Variants in CADM2 observed in about 807,000 individuals in gnomAD.
The protein encoded by CADM2 is cell adhesion molecule 2, also known as immunoglobulin superfamily member 4D.
CADM2 carries 12 observed loss-of-function variants against 49.8 expected under a neutral mutation model. The observed-to-expected ratio is 0.24, with a 90% CI of 0.15 to 0.39. CADM2 has a LOEUF of 0.39. Among genes scored for constraint, CADM2 ranks in the 10% least tolerant of loss-of-function variants. CADM2 has a pLI of 1.00. For missense variants in CADM2, 378 were observed against 492.3 expected, an observed-to-expected ratio of 0.77 and a Z score of 2.20; for synonymous variants, 214 against 175.4, an observed-to-expected ratio of 1.22 and a Z score of -1.74.
intron 2 of CADM2, among the ~76,000 whole-genome samples, chr3:85,752,627 A>G (rs1230983423): frequency 1.3e-5 from 2 of 152,114 alleles, no homozygotes; most frequent in African/African-American, 2.4e-5. Flanking sequence ...TTATCTGAAA[A>G]CAAAAATAGC....
chr3:85,733,374 T>G (rs896720762), intron 2 of CADM2, among the ~76,000 whole-genome samples: 3 of 152,180 alleles, frequency 2.0e-5, no homozygotes, highest in African/African-American at 7.2e-5. Context: ...TGCAGCTTCA[T>G]TCGATGTGGT....
At chr3:85,260,286 G>C (rs1419681229) in intron 1 of CADM2, among the ~76,000 whole-genome samples, 1 of 151,826 alleles carries the variant, frequency 6.6e-6, no homozygotes, top group Non-Finnish European at 1.5e-5. Flanking sequence ...TAATTATTTT[G>C]ATTATTGACA....
chr3:85,512,035 A>G (rs1056842174), intron 1 of CADM2: 4 of 201,932 alleles, frequency 2.0e-5, no homozygotes, highest in South Asian at 1.7e-4. Flanking sequence ...TTCACAGGGT[A>G]CATGTACAGG....
intron 1 of CADM2, among the ~76,000 whole-genome samples, chr3:85,482,396 T>G (rs2039250560): frequency 6.6e-6 from 1 of 151,824 alleles, no homozygotes; most frequent in African/African-American, 2.4e-5. Context: ...TTAGAAATAA[T>G]GAAATAATTA....
At chr3:85,580,404 A>G (rs901763008) in intron 1 of CADM2, among the ~76,000 whole-genome samples, 2 of 152,146 alleles carry the variant, frequency 1.3e-5, no homozygotes, top group Non-Finnish European at 2.9e-5. Flanking sequence ...GTAGTTTAAA[A>G]GGTGGTTAGA....
chr3:85,444,413 G>T lies in CADM2; in HGVS notation c.62-282109G>T, dbSNP rs912080788. On this transcript the variant is annotated intron_variant, in intron 1 of 9. Transcript: ENST00000383699. ...CACCTCCCACTGCTCTTCCAGTTTA[G>T]TAACTGGCTTCTTGTCTTTTCCTAC... Among the ~76,000 whole-genome samples the T allele has an allele frequency of 4.0e-5, 6 of 150,246 alleles. No individual in the cohort carries two copies. The East Asian group carries it at 1.2e-3, about 30-fold the overall frequency.
At chr3:85,497,816 C>A (rs1414716454) in intron 1 of CADM2, among the ~76,000 whole-genome samples, 2 of 152,022 alleles carry the variant, frequency 1.3e-5, no homozygotes, top group Non-Finnish European at 2.9e-5. Flanking sequence ...CTAAAGCTAT[C>A]TATCTGTCTA....
chr3:85,735,779 G>A (rs2068108383), intron 2 of CADM2, among the ~76,000 whole-genome samples: 1 of 152,084 alleles, frequency 6.6e-6, no homozygotes, highest in Admixed American at 6.6e-5. Context: ...TTGAAAACTG[G>A]AAGGACAAAG....
intron 1 of CADM2, among the ~76,000 whole-genome samples, chr3:85,183,771 C>T (rs1033415651): frequency 6.6e-5 from 10 of 152,088 alleles, no homozygotes; most frequent in African/African-American, 1.2e-4. Flanking sequence ...TAATGCAAGG[C>T]GAATTTGTAG....
At chr3:86,053,796 T>G (rs1737607302) in intron 8 of CADM2, among the ~76,000 whole-genome samples, 1 of 152,118 alleles carries the variant, frequency 6.6e-6, no homozygotes, top group Non-Finnish European at 1.5e-5. Flanking sequence ...AAGACTGATT[T>G]GTGGTTCAAA....
chr3:85,599,613 C>T (rs895686332), intron 1 of CADM2, among the ~76,000 whole-genome samples: 11 of 151,596 alleles, frequency 7.3e-5, no homozygotes, highest in East Asian at 3.9e-4. Flanking sequence ...GCATTCTTAC[C>T]GTGCCAATAC....
chr3:85,704,867 T>TTA (rs1373552675), intron 1 of CADM2, among the ~76,000 whole-genome samples: 3 of 129,370 alleles, frequency 2.3e-5, no homozygotes, highest in Admixed American at 7.9e-5. Context: ...ATTATTATTA[T>TTA]TTTTTTTTTT....
intron 1 of CADM2, among the ~76,000 whole-genome samples, chr3:85,420,285 T>C (rs2036108875): frequency 6.6e-6 from 1 of 152,198 alleles, no homozygotes; most frequent in Admixed American, 6.5e-5. Context: ...TAGATGCATC[T>C]ACTTACCCAT....
At chr3:86,012,724 TCA>T in intron 8 of CADM2, 1 of 902,472 alleles carries the variant, frequency 1.1e-6, no homozygotes, top group Non-Finnish European at 1.8e-6. Context: ...GCGCGTTGAC[TCA>T]CGCCTGTAAT....
intron 8 of CADM2, among the ~76,000 whole-genome samples, chr3:85,987,193 C>A (rs1728217560): frequency 1.3e-5 from 2 of 151,900 alleles, no homozygotes; most frequent in African/African-American, 4.8e-5. Flanking sequence ...TATTTTCTTT[C>A]CACTATTACC....
chr3:85,429,537 T>C (rs2107517925), intron 1 of CADM2, among the ~76,000 whole-genome samples: 1 of 152,252 alleles, frequency 6.6e-6, no homozygotes, highest in Middle Eastern at 3.4e-3. Flanking sequence ...GTTATTCTTG[T>C]ATAAAATGAA....
At chr3:86,053,978 T>C (rs1329937760) in intron 8 of CADM2, among the ~76,000 whole-genome samples, 1 of 152,034 alleles carries the variant, frequency 6.6e-6, no homozygotes, top group Non-Finnish European at 1.5e-5. Flanking sequence ...TCCTGTTTAA[T>C]AGATGTGAAA....
At chr3:85,137,698 G>A (rs907624232) in intron 1 of CADM2, among the ~76,000 whole-genome samples, 3 of 152,016 alleles carry the variant, frequency 2.0e-5, no homozygotes, top group Non-Finnish European at 4.4e-5. Flanking sequence ...TTAAATGCAC[G>A]ACAGTAATTT....
chr3:85,691,715 G>C (rs1295785363), intron 1 of CADM2, among the ~76,000 whole-genome samples: 1 of 152,076 alleles, frequency 6.6e-6, no homozygotes, highest in Non-Finnish European at 1.5e-5. Context: ...GCAAAGACTT[G>C]GAACCAACCC....
Sources: gnomAD v4.1 joint callset for allele counts (sites outside exome capture counted in the v4.1 genomes callset) on GRCh38, gnomAD v4.1.1 for gene constraint, MANE v1.5 for transcripts, NCBI Gene and HGNC (gene_info 2026-07-23, HGNC 2026-07-21) for gene names.